TRAPPC9: variants seen among roughly 807,000 people sequenced by gnomAD.
TRAPPC9 encodes the protein trafficking protein particle complex subunit 9, also known as IKK2 binding protein.
TRAPPC9 carries 83 observed loss-of-function variants against 124.0 expected under a neutral mutation model. That is an observed-to-expected ratio of 0.67 (90% CI 0.56 to 0.80). TRAPPC9 has a LOEUF of 0.80. Among genes scored for constraint, TRAPPC9 ranks in the 30% least tolerant of loss-of-function variants. The pLI, the probability that TRAPPC9 is intolerant of heterozygous loss-of-function variation, is 0.00. For missense variants in TRAPPC9, 1,302 were observed against 1,508.3 expected, an observed-to-expected ratio of 0.86 and a Z score of 2.27; for synonymous variants, 638 against 617.5, an observed-to-expected ratio of 1.03 and a Z score of -0.49.
intron 21 of TRAPPC9, among the ~76,000 whole-genome samples, chr8:139,832,826 C>A (rs1826078116): frequency 1.3e-5 from 2 of 152,236 alleles, no homozygotes; most frequent in East Asian, 1.9e-4. Context: ...TGGATAGCGT[C>A]CTCCCCATGA....
chr8:140,020,617 TTCTATC>T (rs756161157), intron 18 of TRAPPC9, among the ~76,000 whole-genome samples: 4 of 152,142 alleles, frequency 2.6e-5, no homozygotes, highest in South Asian at 2.1e-4. Context: ...TGGAGTGAGA[TTCTATC>T]TCAAAAAAAA....
intron 21 of TRAPPC9, among the ~76,000 whole-genome samples, chr8:139,844,043 G>A (rs1014839676): frequency 2.7e-4 from 41 of 152,162 alleles, no homozygotes; most frequent in African/African-American, 9.7e-4. Flanking sequence ...GTCTCCAGAA[G>A]GCATGGGCTG....
At chr8:140,286,571 G>A (rs369651411) in intron 13 of TRAPPC9, among the ~76,000 whole-genome samples, 31 of 152,270 alleles carry the variant, frequency 2.0e-4, no homozygotes, top group African/African-American at 7.5e-4. Flanking sequence ...AGGGAGGGAG[G>A]TGGGGGTGCT....
At chr8:139,900,851 G>A (rs1040000302) in intron 20 of TRAPPC9, among the ~76,000 whole-genome samples, 2 of 152,094 alleles carry the variant, frequency 1.3e-5, no homozygotes, top group African/African-American at 4.8e-5. Context: ...ACCCGGTTTG[G>A]CATTTTAGGA....
At chr8:140,103,228 C>T (rs893504449) in intron 17 of TRAPPC9, among the ~76,000 whole-genome samples, 1 of 152,186 alleles carries the variant, frequency 6.6e-6, no homozygotes, top group African/African-American at 2.4e-5. Flanking sequence ...TGTTTACGAG[C>T]TTCCCTTTTT....
intron 16 of TRAPPC9, among the ~76,000 whole-genome samples, chr8:140,233,559 TCA>T (rs2063654153): frequency 6.8e-6 from 1 of 147,250 alleles, no homozygotes; most frequent in African/African-American, 2.5e-5. Flanking sequence ...CCTCTCTCTC[TCA>T]CACACACACT....
At chr8:140,368,829 C>G (rs150093109) in intron 8 of TRAPPC9, among the ~76,000 whole-genome samples, 133 of 152,294 alleles carry the variant, frequency 8.7e-4, no homozygotes, top group African/African-American at 1.9e-3. Context: ...AGGAGGATCG[C>G]TTCAGCCCAA....
At chr8:139,940,155 C>T (rs998983835) in intron 19 of TRAPPC9, among the ~76,000 whole-genome samples, 2 of 152,170 alleles carry the variant, frequency 1.3e-5, no homozygotes, top group Non-Finnish European at 2.9e-5. Flanking sequence ...TTACAGGATC[C>T]GCCACGGCCT....
chr8:140,257,324 C>T lies in TRAPPC9; in HGVS notation c.2279-4395G>A, dbSNP rs1283196673. ...CTGGCAGCTCAGAACGCAGTTGCTG[C>T]CTCTTCTCCACGCAGCAGTGCTGGC... On this transcript the variant is annotated intron_variant, in intron 15 of 22. Transcript: ENST00000438773. The surrounding 1 kb of genome is among the most constrained non-coding windows in gnomAD (Gnocchi z 4.6). Among the ~76,000 whole-genome samples, 5 of 152,344 alleles carry T rather than the reference C, an allele frequency of 3.3e-5. No individual in the cohort carries two copies. Among genetic ancestry groups the T allele is most frequent in the African/African-American group, 9.6e-5 (4 of 41,586 alleles).
At chr8:140,389,113 A>C (rs2068848497) in intron 7 of TRAPPC9, among the ~76,000 whole-genome samples, 1 of 151,532 alleles carries the variant, frequency 6.6e-6, no homozygotes, top group Non-Finnish European at 1.5e-5. Context: ...ATGCGCTACT[A>C]TGCCTGGTTA....
chr8:140,219,946 G>T (rs1224612075), intron 17 of TRAPPC9, among the ~76,000 whole-genome samples: 1 of 152,178 alleles, frequency 6.6e-6, no homozygotes, highest in Non-Finnish European at 1.5e-5. Context: ...ATGGTGGAAG[G>T]CCTGCTGAAC....
intron 7 of TRAPPC9, among the ~76,000 whole-genome samples, chr8:140,373,405 CTTTGGACACTCG>C (rs2068339807): frequency 6.6e-6 from 1 of 152,230 alleles, no homozygotes; most frequent in Admixed American, 6.5e-5. Context: ...CTGGCTCTCC[CTTTGGACACTCG>C]GTTCCAATGC....
At chr8:139,998,501 A>G (rs906443761) in intron 18 of TRAPPC9, among the ~76,000 whole-genome samples, 1 of 152,110 alleles carries the variant, frequency 6.6e-6, no homozygotes, top group Non-Finnish European at 1.5e-5. Context: ...GGTGGATCAC[A>G]AGGTCAGGAG....
At chr8:140,419,244 C>T (rs945026118) in intron 5 of TRAPPC9, among the ~76,000 whole-genome samples, 8 of 151,802 alleles carry the variant, frequency 5.3e-5, no homozygotes, top group East Asian at 1.9e-4. Context: ...CTGGCTAACA[C>T]GGTGAAACCC....
chr8:139,983,769 C>T (rs893186497), intron 19 of TRAPPC9, among the ~76,000 whole-genome samples: 4 of 152,134 alleles, frequency 2.6e-5, no homozygotes, highest in Non-Finnish European at 5.9e-5. Context: ...GCCCCCGCCC[C>T]GGCCTCTCTC....
In TRAPPC9 at chr8:140,221,589, A is replaced by G. The variant is rs375587632; in HGVS notation, c.2432-6T>C. 8.1e-6 allele frequency: 13 copies of G among 1,613,048 alleles called. No individual in the cohort carries two copies. In the African/African-American group the frequency reaches 1.6e-4, roughly 20 times the overall value. On this transcript the variant is annotated splice_polypyrimidine_tract_variant and splice_region_variant and intron_variant, in intron 16 of 22. Transcript: ENST00000438773. Reference sequence around the variant, plus strand: ...GCCACTCACACTGATTCCATCTACAAAATAAGAACAAAAATCATAAGTAAC... The same window carrying G: ...GCCACTCACACTGATTCCATCTACAGAATAAGAACAAAAATCATAAGTAAC...
intron 18 of TRAPPC9, among the ~76,000 whole-genome samples, chr8:140,018,475 C>T (rs1389799542): frequency 6.6e-6 from 1 of 151,854 alleles, no homozygotes; most frequent in Non-Finnish European, 1.5e-5. Context: ...AGGTGCCCAC[C>T]ACCACGCCCG....
chr8:140,176,093 C>T (rs184238256), intron 17 of TRAPPC9, among the ~76,000 whole-genome samples: 211 of 152,270 alleles, frequency 1.4e-3, no homozygotes, highest in Admixed American at 2.4e-3. Context: ...CTGAACACAT[C>T]GACAGGCTGA....
At chr8:139,785,170 T>C (rs1392514363) in intron 21 of TRAPPC9, among the ~76,000 whole-genome samples, 1 of 152,134 alleles carries the variant, frequency 6.6e-6, no homozygotes, top group Middle Eastern at 3.2e-3. Context: ...GGCAATTCAG[T>C]CAAGAAAAGA....
Sources: allele counts gnomAD v4.1 joint callset (sites outside exome capture counted in the v4.1 genomes callset), GRCh38; gene constraint gnomAD v4.1.1; non-coding constraint Gnocchi (gnomAD v3.1); transcripts MANE v1.5; gene names NCBI Gene and HGNC (gene_info 2026-07-23, HGNC 2026-07-21).